NTNG1: variants seen among roughly 807,000 people sequenced by gnomAD.
NTNG1 encodes the protein netrin-G1.
NTNG1 carries 16 observed loss-of-function variants against 54.0 expected under a neutral mutation model. The ratio of observed to expected loss-of-function variants is 0.30; its 90% CI spans 0.20 to 0.45. The LOEUF is 0.45. Ranked by LOEUF, NTNG1 falls within the 20% of genes least tolerant of loss-of-function variation. The probability of loss-of-function intolerance (pLI) is 1.00; values close to 1 mark genes in which losing one functional copy is unlikely to be tolerated. For synonymous variants in NTNG1, 255 were observed against 263.1 expected, an observed-to-expected ratio of 0.97 and a Z score of 0.30; for missense variants, 530 against 678.7, an observed-to-expected ratio of 0.78 and a Z score of 2.43.
intron 2 of NTNG1, among the ~76,000 whole-genome samples, chr1:107,214,749 G>A (rs796230663): frequency 6.6e-6 from 1 of 151,042 alleles, no homozygotes; most frequent in African/African-American, 2.4e-5. Context: ...ATTCCCACCA[G>A]CAGCGTAAAA....
chr1:107,376,673 T>C (rs1421885152), intron 3 of NTNG1, among the ~76,000 whole-genome samples: 1 of 152,194 alleles, frequency 6.6e-6, no homozygotes, highest in African/African-American at 2.4e-5. Flanking sequence ...CTTGAGTTTC[T>C]TACATGCTTT....
intron 1 of NTNG1, among the ~76,000 whole-genome samples, chr1:107,147,135 A>G (rs920516903): frequency 6.6e-6 from 1 of 152,104 alleles, no homozygotes; most frequent in Non-Finnish European, 1.5e-5. Context: ...CTCACCAATG[A>G]CTTGTAGCCA....
At position 107,437,734 on chromosome 1, in the gene NTNG1, C is replaced by T. The variant is rs1675695253; in HGVS notation, c.1390+935C>T. Among the ~76,000 whole-genome samples, 3 of 151,974 alleles carry T rather than the reference C, an allele frequency of 2.0e-5. No individual in the cohort carries two copies. In the South Asian group the frequency reaches 6.2e-4, roughly 32 times the overall value. On this transcript the variant is annotated intron_variant, in intron 7 of 7. Coordinates refer to ENST00000370068, the MANE Select transcript of NTNG1 (RefSeq NM_001113226.3). The stretch of plus-strand genomic sequence containing the variant: ...TATTTAGCTCAAATTATATAAGATA[C>T]TATTATTTCAACATATAACTAATAT...
At position 107,307,732 on chromosome 1, in the gene NTNG1, C is replaced by T. The variant is rs140339460; in HGVS notation, c.247-16550C>T. ...CCATTCATCACTAGTTTCCATCTAA[C>T]AAGGCTTATTTTTAACTTATTTCTA... On this transcript the variant is annotated intron_variant, in intron 2 of 7. Coordinates refer to ENST00000370068, the MANE Select transcript of NTNG1 (RefSeq NM_001113226.3). Among the ~76,000 whole-genome samples the T allele has an allele frequency of 2.7e-4, 41 of 152,312 alleles. 1 individual carries two copies. The Middle Eastern group carries it at 0.014, about 51-fold the overall frequency.
chr1:107,448,971 A>G (rs1322226706), intron 7 of NTNG1, among the ~76,000 whole-genome samples: 1 of 152,138 alleles, frequency 6.6e-6, no homozygotes, highest in African/African-American at 2.4e-5. Context: ...TCCAAAAGAT[A>G]AACTTCTATT....
At chr1:107,282,712 C>G (rs376628972) in intron 2 of NTNG1, among the ~76,000 whole-genome samples, 82 of 152,280 alleles carry the variant, frequency 5.4e-4, no homozygotes, top group African/African-American at 1.9e-3. Context: ...TATTATAGCA[C>G]TGTCCTTCAG....
In NTNG1 at chr1:107,480,875, C is replaced by G. The variant is rs765079659; in HGVS notation, c.*35C>G. On this transcript the variant is annotated 3_prime_UTR_variant, in exon 8 of 8. Transcript: ENST00000370068. ...CCAGCCACACCGGACGGGCCTGTGC[C>G]GTGGGGAAGCAGACACAACCCAAAC... is the stretch of plus-strand genomic sequence containing the variant. The G allele has an allele frequency of 6.7e-7, 1 of 1,489,358 alleles. No individual in the cohort carries two copies. The highest frequency in any genetic ancestry group is 9.1e-7 in the Non-Finnish European group (1 of 1,093,890). The allele number at this position is 1,489,358 out of a possible 1,614,324, so 92.3% of individuals were successfully genotyped here. A position where few individuals can be genotyped will look rare whatever the true frequency, so the allele number is the denominator to read the frequency against.
At chr1:107,215,764 C>T (rs183341143) in intron 2 of NTNG1, among the ~76,000 whole-genome samples, 24 of 151,666 alleles carry the variant, frequency 1.6e-4, no homozygotes, top group South Asian at 1.2e-3. Flanking sequence ...TTGTACCCAT[C>T]GATAAGCATG....
intron 2 of NTNG1, among the ~76,000 whole-genome samples, chr1:107,309,484 T>A (rs1265831153): frequency 2.0e-5 from 3 of 152,228 alleles, no homozygotes. Context: ...TAAAATAGTT[T>A]GTTTTACATT....
At chr1:107,255,044 A>G (rs1464555185) in intron 2 of NTNG1, among the ~76,000 whole-genome samples, 1 of 152,228 alleles carries the variant, frequency 6.6e-6, no homozygotes, top group African/African-American at 2.4e-5. Flanking sequence ...GATGTAGGGC[A>G]CTGAAAATAC....
intron 2 of NTNG1, among the ~76,000 whole-genome samples, chr1:107,294,433 A>T (rs1665815705): frequency 6.6e-6 from 1 of 152,136 alleles, no homozygotes; most frequent in African/African-American, 2.4e-5. Flanking sequence ...CCATATGTCT[A>T]ACCAAGCCTG....
intron 7 of NTNG1, among the ~76,000 whole-genome samples, chr1:107,478,824 C>T (rs653739): frequency 0.9 from 136,423 of 152,308 alleles, 61,770 homozygotes; most frequent in East Asian, 1. Flanking sequence ...ATATGCTTTC[C>T]AAATTAACTA....
intron 2 of NTNG1, among the ~76,000 whole-genome samples, chr1:107,288,489 A>G (rs1475636924): frequency 6.6e-6 from 1 of 152,166 alleles, no homozygotes; most frequent in East Asian, 1.9e-4. Flanking sequence ...AAAGGTCTAA[A>G]ATCGCACCAC....
intron 5 of NTNG1, among the ~76,000 whole-genome samples, chr1:107,418,825 AG>A (rs776379397): frequency 3.9e-5 from 6 of 152,136 alleles, no homozygotes; most frequent in Admixed American, 1.3e-4. Context: ...TGAAAGATGA[AG>A]GGGAAAATTA....
intron 2 of NTNG1, among the ~76,000 whole-genome samples, chr1:107,157,764 T>A (rs1457918793): frequency 6.6e-6 from 1 of 152,176 alleles, no homozygotes. Flanking sequence ...TTTGTACTTT[T>A]TGCCTCTTGG....
chr1:107,234,188 T>G (rs1018567594), intron 2 of NTNG1, among the ~76,000 whole-genome samples: 1 of 152,184 alleles, frequency 6.6e-6, no homozygotes, highest in African/African-American at 2.4e-5. Flanking sequence ...AGTGGCATGA[T>G]CTTGGCTCAC....
At chr1:107,480,519 A>T in intron 7 of NTNG1, 92 bp from the exon 8 acceptor site, 3 of 753,592 alleles carry the variant, frequency 4.0e-6, no homozygotes, top group Non-Finnish European at 2.1e-6. Context: ...TTTTTTTTTT[A>T]GGCTGAAAAC....
At chr1:107,141,275 T>A (rs2100986778) in intron 1 of NTNG1, 135 bp downstream of exon 1, 1 of 150,188 alleles carries the variant, frequency 6.7e-6, no homozygotes, top group Non-Finnish European at 1.5e-5. Context: ...CGCCCACCCC[T>A]CCCGCTCCGC....
Position 107,430,778 on chromosome 1 carries a change from A to C in NTNG1, c.1116A>C (p.Arg372=). 1 of 1,613,280 alleles carries C rather than the reference A, an allele frequency of 6.2e-7. No homozygotes were observed. The highest frequency in any genetic ancestry group is 1.1e-5 in the South Asian group (1 of 91,058). ...GTGAATGCTTCGGCCACTCCAATCG[A>C]TGCAGTTATATCGATCTGCTAAATA... ...GNCECFGHSN[R]CSYIDLLNTV... is the part of the protein sequence containing the mutation. The change falls in exon 6 of 8, where the codon CGA becomes CGC. Residue 372 remains arginine (R), a synonymous_variant. Coordinates refer to ENST00000370068, the MANE Select transcript of NTNG1 (RefSeq NM_001113226.3).
Sources: allele counts gnomAD v4.1 joint callset (sites outside exome capture counted in the v4.1 genomes callset), GRCh38; gene constraint gnomAD v4.1.1; transcripts MANE v1.5; gene names NCBI Gene and HGNC (gene_info 2026-07-23, HGNC 2026-07-21).